The following MATR3 variants were observed in gnomAD, a reference collection of about 807,000 sequenced individuals.
MATR3 encodes the protein matrin-3.
MATR3 carries 4 observed loss-of-function variants against 85.5 expected under a neutral mutation model. The observed-to-expected ratio is 0.05, with a 90% confidence interval of 0.02 to 0.11. The LOEUF (loss-of-function observed/expected upper bound fraction) is 0.11. MATR3 is among the 10% of genes least tolerant of loss of function. MATR3 has a pLI of 1.00. For missense variants in MATR3, 685 were observed against 1,016.1 expected (o/e 0.67, Z 4.43); for synonymous variants, 336 against 343.1 (o/e 0.98, Z 0.23).
In MATR3 at chr5:139,322,008, A is replaced by G. The variant is rs1436210788; in HGVS notation, c.1713A>G (p.Lys571=). The part of the protein sequence containing the change: ...GRCVKVDLSE[K]YKKLVLRIPN... The stretch of plus-strand genomic sequence containing the variant: ...GTGTGAAGGTTGACCTGTCTGAGAA[A>G]TATAAAAAACTGGTTCTGAGGGTAT... The change falls in exon 10 of 15, where the codon AAA becomes AAG. Residue 571 remains lysine (K), a synonymous_variant. Coordinates refer to ENST00000394805, the MANE Select transcript of MATR3 (RefSeq NM_018834.6). 3.1e-6 allele frequency: 5 copies of G among 1,613,980 alleles called. No homozygotes were observed. The African/African-American group carries it at 4.0e-5, about 13-fold the overall frequency.
intron 7 of MATR3, among the ~76,000 whole-genome samples, chr5:139,318,686 C>G (rs1755383905): frequency 3.9e-5 from 6 of 152,260 alleles, no homozygotes. Context: ...ACCTCGTGAT[C>G]CGCCTGCCTC....
Position 139,317,574 on chromosome 5 carries a change from GT to G in MATR3, c.1183-15del, listed in dbSNP as rs761351139. 41 of 1,603,712 alleles carry G rather than the reference GT, an allele frequency of 2.6e-5. No homozygotes were observed. The highest frequency in any genetic ancestry group is 4.0e-5 in the African/African-American group (3 of 74,730). ...TGCTTTAAAGAGACTTAATTGCTTG[GT>G]TTTTTTCCCCTAATGGATAGGAAAC... On this transcript the variant is annotated intron_variant, in intron 6 of 14. Coordinates refer to ENST00000394805, the MANE Select transcript of MATR3 (RefSeq NM_018834.6).
chr5:139,296,900 G>T (rs907654989), intron 1 of MATR3, among the ~76,000 whole-genome samples: 10 of 152,128 alleles, frequency 6.6e-5, no homozygotes, highest in African/African-American at 2.4e-4. Flanking sequence ...GGATGATTGC[G>T]GCCAGTGGCC....
At chr5:139,286,843 CAAAA>C (rs72412077) in intron 3 of MATR3, among the ~76,000 whole-genome samples, 5 of 135,338 alleles carry the variant, frequency 3.7e-5, no homozygotes, top group East Asian at 4.8e-4. Flanking sequence ...GACTCCGTCT[CAAAA>C]AAAAAAAAAA....
intron 7 of MATR3, among the ~76,000 whole-genome samples, chr5:139,318,635 GT>G (rs1478341207): frequency 6.6e-6 from 1 of 152,192 alleles, no homozygotes; most frequent in Non-Finnish European, 1.5e-5. Flanking sequence ...TAGAGACGGG[GT>G]TTCACCATGT....
chr5:139,319,805 C>A (rs1017751291), intron 9 of MATR3, among the ~76,000 whole-genome samples: 1 of 145,360 alleles, frequency 6.9e-6, no homozygotes, highest in African/African-American at 2.6e-5. Context: ...GATTGCACCA[C>A]TGCACTCCAG....
At chr5:139,288,189 G>C (rs541278223) in intron 3 of MATR3, among the ~76,000 whole-genome samples, 44 of 152,274 alleles carry the variant, frequency 2.9e-4, no homozygotes, top group African/African-American at 1.1e-3. Flanking sequence ...ACTCCAGCCT[G>C]GGAAACACGA....
intron 2 of MATR3, chr5:139,310,673 A>G (rs997119874): frequency 6.6e-6 from 1 of 152,234 alleles, no homozygotes; most frequent in Non-Finnish European, 1.5e-5. Context: ...GTGAAGTAAG[A>G]AACTTAAGTT....
chr5:139,326,150 T>C lies in MATR3; in HGVS notation c.2372-13T>C. On this transcript the variant is annotated splice_polypyrimidine_tract_variant and intron_variant, in intron 13 of 14. Transcript: ENST00000394805. ...TCAGTTTAATTTGTAAGAATGTATG[T>C]TTGTATTTCTAGGTATAGACTATGT... The C allele has an allele frequency of 6.3e-7, 1 of 1,582,306 alleles. No homozygotes were observed. Among genetic ancestry groups the C allele is most frequent in the Non-Finnish European group, 8.7e-7 (1 of 1,153,408 alleles).
intron 1 of MATR3, among the ~76,000 whole-genome samples, chr5:139,295,769 G>C (rs1754115391): frequency 6.6e-6 from 1 of 152,188 alleles, no homozygotes; most frequent in Non-Finnish European, 1.5e-5. Context: ...GATAGGTCGT[G>C]ACCAGTTGCA....
intron 1 of MATR3, among the ~76,000 whole-genome samples, chr5:139,299,458 G>A (rs887832304): frequency 2.0e-5 from 3 of 152,168 alleles, no homozygotes; most frequent in African/African-American, 7.2e-5. Flanking sequence ...AGGATCACTT[G>A]AACCCAGGAG....
intron 14 of MATR3, among the ~76,000 whole-genome samples, chr5:139,328,647 A>G (rs1231991845): frequency 2.0e-5 from 3 of 152,182 alleles, no homozygotes; most frequent in African/African-American, 2.4e-5. Flanking sequence ...GAATGGCCCA[A>G]TGAGTCTAAA....
chr5:139,311,497 G>T (rs1001570813), intron 2 of MATR3: 27 of 152,066 alleles, frequency 1.8e-4, no homozygotes, highest in African/African-American at 5.8e-4. Context: ...TTGATTTTTT[G>T]ATCTTGGCCT....
intron 12 of MATR3, chr5:139,325,188 G>A (rs1007692443): frequency 2.3e-5 from 33 of 1,430,158 alleles, no homozygotes; most frequent in Middle Eastern, 1.8e-4. Flanking sequence ...GCAAGACTCC[G>A]TCTCAAAAAA....
chr5:139,281,879 A>AT (rs1289354761), intron 3 of MATR3, among the ~76,000 whole-genome samples: 2 of 152,154 alleles, frequency 1.3e-5, no homozygotes, highest in African/African-American at 2.4e-5. Flanking sequence ...CCAACCTTGA[A>AT]TTTTTTAAAA....
chr5:139,322,581 T>A lies in MATR3; in HGVS notation c.1779-17T>A, dbSNP rs1370109477. On this transcript the variant is annotated splice_polypyrimidine_tract_variant and intron_variant, in intron 11 of 14. Transcript: ENST00000394805. ...TTCAGACAACAAATTAATTGTGGTGTGTCCTTTTGATTTCAGAAAAAGATC... is the reference window on the plus strand; with the variant it reads ...TTCAGACAACAAATTAATTGTGGTGAGTCCTTTTGATTTCAGAAAAAGATC... 1 of 1,552,976 alleles carries A rather than the reference T, an allele frequency of 6.4e-7. No homozygotes were observed. Among genetic ancestry groups the A allele is most frequent in the Admixed American group, 1.7e-5 (1 of 58,160 alleles).
At chr5:139,294,013 T>G (rs1256460263) in intron 1 of MATR3, 6 of 1,288,074 alleles carry the variant, frequency 4.7e-6, no homozygotes, top group Non-Finnish European at 5.9e-6. Flanking sequence ...GCAACCAGCC[T>G]TCTAGGGCGG....
chr5:139,308,223 A>G lies in MATR3; in HGVS notation c.808A>G (p.Arg270Gly). 6.2e-7 allele frequency: 1 copy of G among 1,614,112 alleles called. No individual in the cohort carries two copies. The highest frequency in any genetic ancestry group is 8.5e-7 in the Non-Finnish European group (1 of 1,180,000). ...AGAGAGATCTCTCTTTGAGAAAAAGAGAGGCGCTCCTCCAAGTAGCAATAT... is the reference window on the plus strand; with the variant it reads ...AGAGAGATCTCTCTTTGAGAAAAAGGGAGGCGCTCCTCCAAGTAGCAATAT... ...LQERSLFEKK[R>G]GAPPSSNIED... The change falls in exon 2 of 15, where the codon AGA (arginine) becomes GGA (glycine). Residue 270 changes from arginine to glycine, a missense_variant. This residue lies in a region of MATR3 where 223 missense variants were observed against 334.4 expected (regional missense o/e 0.67). Coordinates refer to ENST00000394805, the MANE Select transcript of MATR3 (RefSeq NM_018834.6).
rs1466746731 is a variant in MATR3, at chr5:139,317,047, A to G, written c.1130-6A>G. ...ACAAGACTGAAAACTTTCTCTTCCC[A>G]TAAAGGTGCTGGAAATGGAAACCTG... On this transcript the variant is annotated splice_region_variant and splice_polypyrimidine_tract_variant and intron_variant, in intron 5 of 14. Transcript: ENST00000394805. 5.0e-6 allele frequency: 8 copies of G among 1,613,884 alleles called. No individual in the cohort carries two copies. Among genetic ancestry groups the G allele is most frequent in the Non-Finnish European group, 5.1e-6 (6 of 1,179,876 alleles).
Sources: allele counts gnomAD v4.1 joint callset (sites outside exome capture counted in the v4.1 genomes callset), GRCh38; gene constraint gnomAD v4.1.1; regional missense constraint gnomAD v4.1.1; transcripts MANE v1.5; gene names NCBI Gene and HGNC (gene_info 2026-07-23, HGNC 2026-07-21).